Variants in IGSF5 observed in about 807,000 individuals in gnomAD.
The protein encoded by IGSF5 is immunoglobulin superfamily member 5.
A neutral mutation model predicts 39.4 loss-of-function variants in IGSF5; 41 were observed. That is an observed-to-expected ratio of 1.04 (90% CI 0.81 to 1.35). IGSF5 has a LOEUF of 1.35. Ranked by LOEUF, IGSF5 falls within the 40% of genes most tolerant of loss-of-function variation. The pLI, the probability that IGSF5 is intolerant of heterozygous loss-of-function variation, is 0.00. For synonymous variants in IGSF5, 183 were observed against 175.3 expected, an observed-to-expected ratio of 1.04 and a Z score of -0.34; for missense variants, 487 against 494.6, an observed-to-expected ratio of 0.98 and a Z score of 0.15.
At chr21:39,733,155 C>G in the IGSF5 span, among the ~76,000 whole-genome samples, 1 of 152,062 alleles carries the variant, frequency 6.6e-6, no homozygotes, top group African/African-American at 2.4e-5. Flanking sequence ...AAATTCATCT[C>G]AGTATTATTT....
intron 2 of IGSF5, among the ~76,000 whole-genome samples, chr21:39,750,232 A>G (rs2079998321): frequency 6.6e-6 from 1 of 152,052 alleles, no homozygotes; most frequent in Non-Finnish European, 1.5e-5. Context: ...CCCTGGCCCC[A>G]TTTACTTGCT....
At chr21:39,713,985 G>C in the IGSF5 span, among the ~76,000 whole-genome samples, 1 of 152,218 alleles carries the variant, frequency 6.6e-6, no homozygotes, top group Non-Finnish European at 1.5e-5. Context: ...ACAAGGTCCC[G>C]GTCTTTTCAG....
chr21:39,790,084 G>A (rs536178595), intron 6 of IGSF5, among the ~76,000 whole-genome samples: 2 of 152,050 alleles, frequency 1.3e-5, no homozygotes, highest in South Asian at 2.1e-4. Context: ...CCTAGACCCC[G>A]GTCAAATTGC....
At chr21:39,769,718 T>C (rs17408273) in intron 3 of IGSF5, among the ~76,000 whole-genome samples, 4,440 of 152,208 alleles carry the variant, frequency 0.029, 234 homozygotes, top group African/African-American at 0.1. Context: ...ACTCATCTTA[T>C]TAATTTTTTT....
chr21:39,777,916 T>C (rs1477665910), intron 4 of IGSF5, among the ~76,000 whole-genome samples: 1 of 152,206 alleles, frequency 6.6e-6, no homozygotes, highest in Non-Finnish European at 1.5e-5. Flanking sequence ...AAGTGGTGGA[T>C]GGCCATTGAT....
chr21:39,792,019 AAG>A lies in IGSF5; in HGVS notation c.972_973del (p.Lys325AspfsTer6), dbSNP rs750442455. 6.2e-7 allele frequency: 1 copy of A among 1,607,074 alleles called. No homozygotes were observed. Among genetic ancestry groups the A allele is most frequent in the Non-Finnish European group, 8.5e-7 (1 of 1,176,076 alleles). On this transcript the variant is annotated frameshift_variant, in exon 7 of 9. Coordinates refer to ENST00000380588, the MANE Select transcript of IGSF5 (RefSeq NM_001080444.2). LOFTEE classifies it high-confidence loss of function. ...TGGTCTAATTGTAGGAAATCTGAAA[AAG>A]AGAAGACAAACAAAGAAACTGAGAC... is the stretch of plus-strand genomic sequence containing the variant.
intron 2 of IGSF5, among the ~76,000 whole-genome samples, chr21:39,761,720 G>T (rs1467473083): frequency 6.6e-6 from 1 of 152,208 alleles, no homozygotes; most frequent in Non-Finnish European, 1.5e-5. Context: ...CCAGGCTGGA[G>T]TTTAGTGGTG....
intron 8 of IGSF5, among the ~76,000 whole-genome samples, chr21:39,797,034 G>A (rs2086999733): frequency 6.6e-6 from 1 of 152,150 alleles, no homozygotes; most frequent in Non-Finnish European, 1.5e-5. Context: ...GTTAACACTC[G>A]GCAATTTCAG....
chr21:39,740,595 C>T (rs895299183), upstream of IGSF5, among the ~76,000 whole-genome samples: 1 of 152,208 alleles, frequency 6.6e-6, no homozygotes, highest in Non-Finnish European at 1.5e-5. Flanking sequence ...CTGACTACTG[C>T]ATACCCCACT....
At chr21:39,763,233 A>T (rs1373462592) in intron 2 of IGSF5, among the ~76,000 whole-genome samples, 2 of 152,188 alleles carry the variant, frequency 1.3e-5, no homozygotes, top group Non-Finnish European at 2.9e-5. Context: ...TATTCTGAAG[A>T]AATGTTTGGT....
intron 2 of IGSF5, among the ~76,000 whole-genome samples, chr21:39,755,033 G>C (rs564216101): frequency 6.6e-6 from 1 of 152,204 alleles, no homozygotes; most frequent in Non-Finnish European, 1.5e-5. Context: ...GCAGAATGGA[G>C]TGTTGAGTAA....
the IGSF5 span, among the ~76,000 whole-genome samples, chr21:39,736,561 A>T: frequency 2.3e-3 from 343 of 149,222 alleles, no homozygotes; most frequent in African/African-American, 3.2e-3. Flanking sequence ...AGTATAATTT[A>T]AAAAAAAAAG....
rs936449094 is a variant in IGSF5, at chr21:39,773,931, T to G, written c.718+2716T>G. 7.2e-5 allele frequency among the ~76,000 whole-genome samples: 11 copies of G among 152,294 alleles called. 2 individuals carry two copies. The highest frequency in any genetic ancestry group is 1.5e-5 in the Non-Finnish European group (1 of 68,030). On this transcript the variant is annotated intron_variant, in intron 4 of 8. Coordinates refer to ENST00000380588, the MANE Select transcript of IGSF5 (RefSeq NM_001080444.2). ...GATAGATTTTAGAGACTGGCTTGCT[T>G]GCAAATGTTTTCTTTTGTAGTGGAA...
chr21:39,718,514 G>T, the IGSF5 span, among the ~76,000 whole-genome samples: 1 of 152,086 alleles, frequency 6.6e-6, no homozygotes, highest in Non-Finnish European at 1.5e-5. Flanking sequence ...TTATTTTGAG[G>T]TATATTCCTT....
At chr21:39,779,753 C>T (rs1444093024) in intron 5 of IGSF5, among the ~76,000 whole-genome samples, 3 of 152,184 alleles carry the variant, frequency 2.0e-5, no homozygotes, top group African/African-American at 4.8e-5. Context: ...TTTGCTACAC[C>T]CTGGAGAGAC....
the IGSF5 span, among the ~76,000 whole-genome samples, chr21:39,720,420 G>A: frequency 1.3e-5 from 2 of 152,140 alleles, no homozygotes; most frequent in Non-Finnish European, 2.9e-5. Context: ...CCAGGGGTTG[G>A]GGACCCCTGG....
At chr21:39,716,375 A>T in the IGSF5 span, among the ~76,000 whole-genome samples, 1 of 152,090 alleles carries the variant, frequency 6.6e-6, no homozygotes, top group Non-Finnish European at 1.5e-5. Flanking sequence ...GTTTGGGGGT[A>T]CATGTGAAGG....
Position 39,779,221 on chromosome 21 carries a change from A to G in IGSF5, c.850A>G (p.Thr284Ala), listed in dbSNP as rs759460658. The change falls in exon 5 of 9, where the codon ACA becomes GCA. Residue 284 changes from threonine to alanine, a missense_variant. Transcript: ENST00000380588. The stretch of plus-strand genomic sequence containing the variant: ...GCTTCTGACGCCGACGTGTACTCTT[A>G]CAATACGCTGCTGCTGCTGCCGCCG... The part of the protein sequence containing the change: ...TMLLTPTCTL[T>A]IRCCCCRRRC... The G allele has an allele frequency of 6.2e-7, 1 of 1,613,942 alleles. No individual in the cohort carries two copies.
upstream of IGSF5, among the ~76,000 whole-genome samples, chr21:39,743,801 A>G (rs999401362): frequency 3.3e-5 from 5 of 152,208 alleles, no homozygotes; most frequent in Non-Finnish European, 5.9e-5. Flanking sequence ...AGATGGTGTT[A>G]TAATTTATAC....
Sources: allele counts gnomAD v4.1 joint callset (sites outside exome capture counted in the v4.1 genomes callset), GRCh38; gene constraint gnomAD v4.1.1; transcripts MANE v1.5; gene names NCBI Gene and HGNC (gene_info 2026-07-23, HGNC 2026-07-21).